FBRSL1: variants seen among roughly 807,000 people sequenced by gnomAD.
The protein encoded by FBRSL1 is fibrosin like 1, also known as fibrosin-1-like protein.
In FBRSL1, 51 loss-of-function variants were observed where a neutral mutation model predicts 89.6. The ratio of observed to expected loss-of-function variants is 0.57; its 90% CI spans 0.45 to 0.72. The LOEUF (loss-of-function observed/expected upper bound fraction) is 0.72, where lower values mean the gene tolerates loss of function less well. Ranked by LOEUF, FBRSL1 falls within the 30% of genes least tolerant of loss-of-function variation. The pLI is 0.00. For synonymous variants in FBRSL1, 779 were observed against 681.1 expected (o/e 1.14, Z -2.24); for missense variants, 1,618 against 1,451.8 (o/e 1.11, Z -1.86).
chr12:132,490,634 GA>G lies in FBRSL1; in HGVS notation c.65del (p.Glu22GlyfsTer81). The G allele has an allele frequency of 1.0e-6, 1 of 983,418 alleles. No individual in the cohort carries two copies. Among genetic ancestry groups the G allele is most frequent in the Non-Finnish European group, 1.2e-6 (1 of 830,132 alleles). The allele number at this position is 983,418 out of a possible 1,614,324, so 60.9% of individuals were successfully genotyped here. On this transcript the variant is annotated frameshift_variant, in exon 1 of 19. Transcript: ENST00000680143. ...RAQRDRGRRR[E>X]AARDARAQSP... is the part of the protein sequence containing the mutation. ...GCAGCGGGACCGTGGCCGGCGCCGG[GA>G]GGCCGCCCGCGACGCCCGCGCCCAG...
chr12:132,577,500 C>A (rs2040454113), intron 15 of FBRSL1, among the ~76,000 whole-genome samples: 1 of 152,184 alleles, frequency 6.6e-6, no homozygotes, highest in Admixed American at 6.5e-5. Context: ...AGGACGGGCC[C>A]AGCTGCGGTG....
intron 2 of FBRSL1, chr12:132,510,250 C>T (rs947552673): frequency 2.6e-5 from 32 of 1,231,760 alleles, no homozygotes; most frequent in Non-Finnish European, 3.0e-5. Flanking sequence ...CTGGGGCAGC[C>T]GGGCCCACCC....
In FBRSL1 at chr12:132,584,635, T is replaced by TA. The variant is rs1555293349; in HGVS notation, c.*857_*858insA. 2 of 152,150 alleles carry TA rather than the reference T, an allele frequency of 1.3e-5. No individual in the cohort carries two copies. Among genetic ancestry groups the TA allele is most frequent in the African/African-American group, 4.8e-5 (2 of 41,408 alleles). 9.4% of individuals were successfully genotyped at this position (152,150 alleles called of 1,614,324 possible). ...CCCCTGGGTCCGTGGAGGGGTTGGG[T>TA]CCCCCAGCAGAGCCCCTGGGCCAGC... On this transcript the variant is annotated 3_prime_UTR_variant, in exon 19 of 19. Transcript: ENST00000680143.
intron 2 of FBRSL1, among the ~76,000 whole-genome samples, chr12:132,517,169 G>C (rs1421019658): frequency 6.6e-6 from 1 of 151,970 alleles, no homozygotes; most frequent in Admixed American, 6.5e-5. Context: ...CACCTGCAGG[G>C]AGCAGCAGGC....
intron 14 of FBRSL1, 73 bp downstream of exon 14, chr12:132,574,637 A>G (rs1310935547): frequency 2.0e-6 from 3 of 1,508,560 alleles, no homozygotes; most frequent in Non-Finnish European, 2.7e-6. Context: ...AAGGCCAGGC[A>G]TGAGGCTGTG....
intron 5 of FBRSL1, among the ~76,000 whole-genome samples, chr12:132,567,214 C>G (rs2039687613): frequency 6.6e-6 from 1 of 152,190 alleles, no homozygotes; most frequent in Non-Finnish European, 1.5e-5. Context: ...GATCCCCCCA[C>G]AAACCCCGTC....
chr12:132,581,369 G>A, intron 15 of FBRSL1, 70 bp from the exon 16 acceptor site: 1 of 1,550,090 alleles, frequency 6.5e-7, no homozygotes, highest in Non-Finnish European at 8.7e-7. Flanking sequence ...TGCTCCCTGT[G>A]AACAGAGCTG....
chr12:132,573,520 G>A (rs1311481631), intron 11 of FBRSL1, among the ~76,000 whole-genome samples: 1 of 152,208 alleles, frequency 6.6e-6, no homozygotes, highest in Non-Finnish European at 1.5e-5. Flanking sequence ...TGGGACTCGG[G>A]GGTACTGCCC....
chr12:132,538,418 G>T (rs1242958263), intron 4 of FBRSL1, among the ~76,000 whole-genome samples: 5 of 152,234 alleles, frequency 3.3e-5, no homozygotes, highest in Admixed American at 6.5e-5. Context: ...GTCAAGGGCT[G>T]CCTGAGTCCT....
rs576132766 is a variant in FBRSL1 at position 132,566,770 on chromosome 12, G to A, written c.646-711G>A. On this transcript the variant is annotated intron_variant, in intron 5 of 18. Transcript: ENST00000680143. ...CTGCTGGGAGCTTGGCCGGCCGCAG[G>A]CACATAGCGCGGTGTCCTGTGGGCT... Among the ~76,000 whole-genome samples the A allele has an allele frequency of 3.9e-5, 6 of 152,316 alleles. No individual in the cohort carries two copies. In the East Asian group the frequency reaches 1.2e-3, roughly 29 times the overall value.
At chr12:132,581,299 G>A (rs984865023) in intron 15 of FBRSL1, 140 bp from the exon 16 acceptor site, 16 of 1,513,926 alleles carry the variant, frequency 1.1e-5, no homozygotes, top group African/African-American at 8.4e-5. Flanking sequence ...GACTGGACAC[G>A]CTTCACCCCT....
intron 5 of FBRSL1, among the ~76,000 whole-genome samples, chr12:132,560,866 C>T (rs1385274516): frequency 6.6e-6 from 1 of 152,258 alleles, no homozygotes; most frequent in Non-Finnish European, 1.5e-5. Context: ...GGGTCACGTC[C>T]CTGCAGACCA....
intron 2 of FBRSL1, among the ~76,000 whole-genome samples, chr12:132,521,275 G>A (rs902348158): frequency 2.6e-4 from 40 of 152,220 alleles, no homozygotes; most frequent in Non-Finnish European, 7.4e-5. Flanking sequence ...GGGGTGCGCT[G>A]TGTCCACACT....
intron 18 of FBRSL1, 139 bp downstream of exon 18, chr12:132,582,405 C>T (rs1240515300): frequency 3.0e-5 from 18 of 599,788 alleles, no homozygotes; most frequent in East Asian, 2.9e-5. Flanking sequence ...TCCCCCTGTT[C>T]CCCTTCCCCG....
chr12:132,507,115 A>C (rs2033780623), intron 1 of FBRSL1: 6 of 813,392 alleles, frequency 7.4e-6, no homozygotes, highest in South Asian at 5.6e-5. Context: ...CCATGGCTCT[A>C]TGCGGGGGCG....
In FBRSL1 at chr12:132,504,404, T is replaced by C. The variant is rs116950911; in HGVS notation, c.292-3749T>C. On this transcript the variant is annotated intron_variant, in intron 1 of 18. Transcript: ENST00000680143. ...TGCTACAGGAAAATCTGTCTAGCAATGTCACGGCAGCCTGCGCCCAGCCCT... is the reference window on the plus strand; with the variant it reads ...TGCTACAGGAAAATCTGTCTAGCAACGTCACGGCAGCCTGCGCCCAGCCCT... Among the ~76,000 whole-genome samples the C allele has an allele frequency of 0.012, 1,790 of 152,276 alleles. 47 individuals are homozygous for C. In the East Asian group the frequency reaches 0.12, roughly 10 times the overall value.
chr12:132,509,833 C>G, intron 2 of FBRSL1: 1 of 1,231,930 alleles, frequency 8.1e-7, no homozygotes, highest in South Asian at 4.1e-5. Flanking sequence ...CGGTACCAGC[C>G]CCCGCGGCCA....
At chr12:132,530,841 C>T (rs901608656) in intron 4 of FBRSL1, among the ~76,000 whole-genome samples, 16 of 152,170 alleles carry the variant, frequency 1.1e-4, no homozygotes, top group East Asian at 9.7e-4. Flanking sequence ...GGGTCCTGTG[C>T]GTGTGCACTG....
intron 4 of FBRSL1, among the ~76,000 whole-genome samples, chr12:132,536,708 GAC>G (rs1485363842): frequency 6.6e-6 from 1 of 151,878 alleles, no homozygotes; most frequent in Non-Finnish European, 1.5e-5. Flanking sequence ...TGATGTACAT[GAC>G]AGTGTGTGTG....
Sources: allele counts gnomAD v4.1 joint callset (sites outside exome capture counted in the v4.1 genomes callset), GRCh38; gene constraint gnomAD v4.1.1; transcripts MANE v1.5; gene names NCBI Gene and HGNC (gene_info 2026-07-23, HGNC 2026-07-21).